Variants in COA5 observed in about 807,000 individuals in gnomAD.
The protein encoded by COA5 is cytochrome c oxidase assembly factor 5.
In COA5, 11 loss-of-function variants were observed where a neutral mutation model predicts 11.8. The ratio of observed to expected loss-of-function variants is 0.93; its 90% CI spans 0.59 to 1.54. The LOEUF (loss-of-function observed/expected upper bound fraction) is 1.54, where lower values mean the gene tolerates loss of function less well. COA5 is among the 40% of genes most tolerant of loss of function. COA5 has a pLI of 0.00. For synonymous variants in COA5, 38 were observed against 37.5 expected (o/e 1.01, Z -0.05); for missense variants, 87 against 89.2 (o/e 0.97, Z 0.10).
chr2:98,608,237 G>T, intron 1 of COA5, 70 bp downstream of exon 1: 2 of 1,208,558 alleles, frequency 1.7e-6, no homozygotes, highest in Non-Finnish European at 2.4e-6. Context: ...CGGGCGACCC[G>T]CTGCCCTCCG....
chr2:98,608,226 G>A (rs1700738583), intron 1 of COA5, 81 bp downstream of exon 1: 1 of 1,078,520 alleles, frequency 9.3e-7, no homozygotes, highest in Non-Finnish European at 1.4e-6. Context: ...AACCGCCGCC[G>A]CGGGCGACCC....
Position 98,599,775 on chromosome 2 carries a change from T to C in COA5, c.*977A>G, listed in dbSNP as rs1700615602. On this transcript the variant is annotated 3_prime_UTR_variant, in exon 3 of 3. Transcript: ENST00000328709. Reference sequence around the variant, plus strand: ...GTAAGGCTAATCTTCAACCACTTCATGGTTTTCATTCTTGCTTTCTATAGT... The same window carrying C: ...GTAAGGCTAATCTTCAACCACTTCACGGTTTTCATTCTTGCTTTCTATAGT... 6.6e-6 allele frequency: 1 copy of C among 152,274 alleles called. No individual in the cohort carries two copies. 9.4% of individuals were successfully genotyped at this position (152,274 alleles called of 1,614,324 possible). A position where few individuals can be genotyped will look rare whatever the true frequency, so the allele number is the denominator to read the frequency against.
rs996807580 is a variant in COA5 at position 98,599,332 on chromosome 2, G to A, written c.*1420C>T. The A allele has an allele frequency of 2.0e-5, 3 of 151,940 alleles. No homozygotes were observed. The highest frequency in any genetic ancestry group is 4.4e-5 in the Non-Finnish European group (3 of 67,992). The allele number at this position is 151,940 out of a possible 1,614,324, so 9.4% of individuals were successfully genotyped here. A position where few individuals can be genotyped will look rare whatever the true frequency, so the allele number is the denominator to read the frequency against. Reference sequence around the variant, plus strand: ...TGGTAAGTTTCAGTGTGAATTTTACGGTATGTGTATTTCTCCAAATAAAGC... The same window carrying A: ...TGGTAAGTTTCAGTGTGAATTTTACAGTATGTGTATTTCTCCAAATAAAGC... On this transcript the variant is annotated 3_prime_UTR_variant, in exon 3 of 3. Transcript: ENST00000328709.
chr2:98,604,292 G>A (rs2106593337), intron 1 of COA5, 101 bp from the exon 2 acceptor site: 1 of 930,644 alleles, frequency 1.1e-6, no homozygotes, highest in South Asian at 1.4e-5. Flanking sequence ...AAGTGTTAAA[G>A]GAGGAAAATA....
chr2:98,600,850 CCTTA>C (rs1700633559), intron 2 of COA5, 57 bp from the exon 3 acceptor site: 1 of 1,155,526 alleles, frequency 8.7e-7, no homozygotes, highest in African/African-American at 1.5e-5. Flanking sequence ...ATTAAACACC[CCTTA>C]CTTTGGTAAG....
At chr2:98,608,267 G>C in intron 1 of COA5, 40 bp downstream of exon 1, 1 of 1,475,310 alleles carries the variant, frequency 6.8e-7, no homozygotes. Context: ...GCCTGCCTGG[G>C]ACAGGGGTCG....
chr2:98,608,507 A>G lies in COA5; in HGVS notation c.-102T>C, dbSNP rs1259716092. 1.1e-6 allele frequency: 1 copy of G among 925,732 alleles called. No individual in the cohort carries two copies. Among genetic ancestry groups the G allele is most frequent in the African/African-American group, 1.6e-5 (1 of 61,412 alleles). The allele number at this position is 925,732 out of a possible 1,614,324, so 57.3% of individuals were successfully genotyped here. A position where few individuals can be genotyped will look rare whatever the true frequency, so the allele number is the denominator to read the frequency against. Reference sequence around the variant, plus strand: ...CCCCAGTCTCAGGGGACCGGAAGCCAGCGGCAACAACTTCCGGCGGGCCGC... The same window carrying G: ...CCCCAGTCTCAGGGGACCGGAAGCCGGCGGCAACAACTTCCGGCGGGCCGC... On this transcript the variant is annotated 5_prime_UTR_variant, in exon 1 of 3. Transcript: ENST00000328709.
At chr2:98,600,905 A>G in intron 2 of COA5, 112 bp from the exon 3 acceptor site, 1 of 737,084 alleles carries the variant, frequency 1.4e-6, no homozygotes, top group East Asian at 2.7e-5. Context: ...TATTAGCAAA[A>G]TCAAAAAGGT....
chr2:98,605,920 G>C (rs1004120271), intron 1 of COA5: 2 of 152,220 alleles, frequency 1.3e-5, no homozygotes, highest in Admixed American at 6.5e-5. Flanking sequence ...GATGCCTTTT[G>C]AATCTGCTTT....
Position 98,600,603 on chromosome 2 carries a change from A to C in COA5, c.*149T>G. On this transcript the variant is annotated 3_prime_UTR_variant, in exon 3 of 3. Coordinates refer to ENST00000328709, the MANE Select transcript of COA5 (RefSeq NM_001008215.3). The stretch of plus-strand genomic sequence containing the variant: ...TTTACTTTATACATATTCGAAAACA[A>C]CTCATCCACTTTCTTCAGTGTTCCA... 1 of 694,932 alleles carries C rather than the reference A, an allele frequency of 1.4e-6. No homozygotes were observed. The highest frequency in any genetic ancestry group is 1.8e-5 in the African/African-American group (1 of 56,054). 43.0% of individuals were successfully genotyped at this position (694,932 alleles called of 1,614,324 possible). A position where few individuals can be genotyped will look rare whatever the true frequency, so the allele number is the denominator to read the frequency against.
At chr2:98,601,813 G>A (rs933094928) in intron 2 of COA5, among the ~76,000 whole-genome samples, 1 of 152,114 alleles carries the variant, frequency 6.6e-6, no homozygotes, top group Non-Finnish European at 1.5e-5. Flanking sequence ...GAACCCTACT[G>A]TGAACTGCAC....
chr2:98,604,258 C>T (rs2106593324), intron 1 of COA5, 67 bp from the exon 2 acceptor site: 3 of 1,204,574 alleles, frequency 2.5e-6, no homozygotes, highest in Admixed American at 3.4e-5. Context: ...AAATAATTGT[C>T]CTTCTGAAAA....
chr2:98,605,516 T>C (rs1700695776), intron 1 of COA5, among the ~76,000 whole-genome samples: 1 of 152,232 alleles, frequency 6.6e-6, no homozygotes, highest in African/African-American at 2.4e-5. Flanking sequence ...GCCCTGATTA[T>C]AGGCACAAGG....
chr2:98,602,935 A>G (rs1186870324), intron 2 of COA5, among the ~76,000 whole-genome samples: 1 of 152,218 alleles, frequency 6.6e-6, no homozygotes, highest in Non-Finnish European at 1.5e-5. Flanking sequence ...TGGGTAACAA[A>G]TCTATGTGAG....
chr2:98,600,707 A>C lies in COA5; in HGVS notation c.*45T>G, dbSNP rs1700629881. The C allele has an allele frequency of 1.3e-6, 2 of 1,570,448 alleles. No homozygotes were observed. Among genetic ancestry groups the C allele is most frequent in the South Asian group, 1.1e-5 (1 of 88,460 alleles). Reference sequence around the variant, plus strand: ...TTTTGGCTTCTTTGTGTTAATGACCAGGGAAAATATTTGTTGTTTTCCATG... The same window carrying C: ...TTTTGGCTTCTTTGTGTTAATGACCCGGGAAAATATTTGTTGTTTTCCATG... On this transcript the variant is annotated 3_prime_UTR_variant, in exon 3 of 3. Coordinates refer to ENST00000328709, the MANE Select transcript of COA5 (RefSeq NM_001008215.3).
intron 2 of COA5, among the ~76,000 whole-genome samples, chr2:98,601,462 G>C (rs1700640459): frequency 6.6e-6 from 1 of 152,034 alleles, no homozygotes; most frequent in African/African-American, 2.4e-5. Flanking sequence ...CATTACTTTG[G>C]GATTAAAAAT....
intron 1 of COA5, among the ~76,000 whole-genome samples, chr2:98,605,322 A>G (rs1700693292): frequency 6.6e-6 from 1 of 152,082 alleles, no homozygotes; most frequent in Non-Finnish European, 1.5e-5. Context: ...TGGTCCTTAA[A>G]GAGGCTTGCC....
chr2:98,605,703 T>C (rs1024934830), intron 1 of COA5: 3 of 152,236 alleles, frequency 2.0e-5, no homozygotes, highest in African/African-American at 7.2e-5. Context: ...AAGAAACTTT[T>C]AACTTATTGG....
intron 1 of COA5, chr2:98,605,623 C>G (rs913554211): frequency 2.6e-5 from 4 of 152,200 alleles, no homozygotes; most frequent in Admixed American, 6.5e-5. Flanking sequence ...CACTCCCAAG[C>G]TTTTTTGCCT....
Sources: gnomAD v4.1 joint callset for allele counts (sites outside exome capture counted in the v4.1 genomes callset) on GRCh38, gnomAD v4.1.1 for gene constraint, MANE v1.5 for transcripts, NCBI Gene and HGNC (gene_info 2026-07-23, HGNC 2026-07-21) for gene names.